Variants in TBCE observed in about 807,000 individuals in gnomAD.
The protein encoded by TBCE is tubulin folding cofactor E.
A neutral mutation model predicts 77.0 loss-of-function variants in TBCE; 53 were observed. The ratio of observed to expected loss-of-function variants is 0.69; its 90% confidence interval spans 0.55 to 0.87. The LOEUF is 0.87. Ranked by LOEUF, TBCE falls within the 40% of genes least tolerant of loss-of-function variation. The pLI is 0.00. For missense variants in TBCE, 624 were observed against 622.4 expected, an observed-to-expected ratio of 1.00 and a Z score of -0.03; for synonymous variants, 235 against 241.3, an observed-to-expected ratio of 0.97 and a Z score of 0.24.
chr1:235,409,891 G>C (rs188572413), intron 3 of TBCE, among the ~76,000 whole-genome samples: 1 of 87,302 alleles, frequency 1.1e-5, no homozygotes, highest in Non-Finnish European at 2.2e-5. Context: ...TTAGCCAGGC[G>C]TGGTGGCGGG....
chr1:235,379,784 A>C (rs746851674), intron 1 of TBCE, among the ~76,000 whole-genome samples: 23 of 151,822 alleles, frequency 1.5e-4, no homozygotes, highest in Non-Finnish European at 3.1e-4. Flanking sequence ...CCCCTTCTCT[A>C]CTGAAAATAC....
Position 235,451,645 on chromosome 1 carries a change from A to G in TBCE, c.*2883A>G, listed in dbSNP as rs1375721731. 1 of 151,372 alleles carries G rather than the reference A, an allele frequency of 6.6e-6. No homozygotes were observed. The highest frequency in any genetic ancestry group is 2.5e-5 in the African/African-American group (1 of 40,602). 9.4% of individuals were successfully genotyped at this position (151,372 alleles called of 1,614,324 possible). On this transcript the variant is annotated 3_prime_UTR_variant, in exon 17 of 17. Transcript: ENST00000642610. Reference sequence around the variant, plus strand: ...CAAAGTACAGCAAAGGAATCAGACTATCAAAGTGGACCATGTAGATGTGGG... The same window carrying G: ...CAAAGTACAGCAAAGGAATCAGACTGTCAAAGTGGACCATGTAGATGTGGG...
intron 3 of TBCE, among the ~76,000 whole-genome samples, chr1:235,406,818 C>T (rs1013720620): frequency 4.9e-5 from 7 of 143,748 alleles, no homozygotes; most frequent in African/African-American, 1.8e-4. Flanking sequence ...GCATAAGCCA[C>T]TGCTCCTGGG....
chr1:235,420,756 C>T (rs943346881), intron 5 of TBCE, among the ~76,000 whole-genome samples: 1 of 152,202 alleles, frequency 6.6e-6, no homozygotes, highest in African/African-American at 2.4e-5. Flanking sequence ...GCTGGAATTA[C>T]AGGCGTGAGC....
chr1:235,448,291 A>T, intron 15 of TBCE, 58 bp from the exon 16 acceptor site: 1 of 1,375,338 alleles, frequency 7.3e-7, no homozygotes, highest in Non-Finnish European at 1.0e-6. Flanking sequence ...CACATGAGCT[A>T]GTTTTACAGG....
chr1:235,406,299 T>G (rs1679424384), intron 3 of TBCE, among the ~76,000 whole-genome samples: 1 of 152,218 alleles, frequency 6.6e-6, no homozygotes, highest in South Asian at 2.1e-4. Context: ...CTCTGATCTC[T>G]TTTGTAACCT....
Position 235,393,380 on chromosome 1 carries a change from TACAA to T in TBCE, c.101-8118_101-8115del, listed in dbSNP as rs539950458. Among the ~76,000 whole-genome samples the T allele has an allele frequency of 4.1e-3, 629 of 152,068 alleles. 5 individuals carry two copies. Among genetic ancestry groups the T allele is most frequent in the African/African-American group, 0.014 (600 of 41,492 alleles). ...GGTGAAACCCTGTCTCTACTAAAAA[TACAA>T]ACAATTAGCCTGGTGTGGTGGCACG... On this transcript the variant is annotated intron_variant, in intron 2 of 16. Transcript: ENST00000642610.
At chr1:235,423,034 A>G (rs568409437) in intron 5 of TBCE, among the ~76,000 whole-genome samples, 3 of 152,222 alleles carry the variant, frequency 2.0e-5, no homozygotes, top group Non-Finnish European at 4.4e-5. Flanking sequence ...ACAGTGATAA[A>G]TGTCTTGCAG....
intron 2 of TBCE, among the ~76,000 whole-genome samples, chr1:235,391,080 A>G (rs1383282492): frequency 6.6e-6 from 1 of 152,194 alleles, no homozygotes; most frequent in African/African-American, 2.4e-5. Context: ...TTTAAAGGAC[A>G]GAGCTGCCTC....
intron 15 of TBCE, among the ~76,000 whole-genome samples, chr1:235,445,450 G>A (rs1364080820): frequency 1.2e-4 from 18 of 152,090 alleles, no homozygotes; most frequent in Admixed American, 1.2e-3. Flanking sequence ...GCAACATGGT[G>A]AAACCCCGTC....
intron 2 of TBCE, among the ~76,000 whole-genome samples, chr1:235,380,452 A>T (rs911632053): frequency 1.6e-4 from 24 of 151,880 alleles, no homozygotes; most frequent in Non-Finnish European, 2.8e-4. Flanking sequence ...AAGTCTTGAA[A>T]CCTCATAAAC....
intron 1 of TBCE, among the ~76,000 whole-genome samples, chr1:235,371,625 C>T (rs1572300696): frequency 6.6e-6 from 1 of 152,118 alleles, no homozygotes; most frequent in East Asian, 1.9e-4. Context: ...ATCCACCCAC[C>T]TCTGCCTCCC....
chr1:235,425,029 C>T (rs1175004502), intron 5 of TBCE, among the ~76,000 whole-genome samples: 1 of 152,090 alleles, frequency 6.6e-6, no homozygotes, highest in Non-Finnish European at 1.5e-5. Flanking sequence ...GGGTGTACCC[C>T]AAGGCTCAGA....
At chr1:235,391,941 T>C in intron 2 of TBCE, among the ~76,000 whole-genome samples, 1 of 152,024 alleles carries the variant, frequency 6.6e-6, no homozygotes, top group East Asian at 1.9e-4. Context: ...TTTTAAATTA[T>C]ATACGGAGTA....
At chr1:235,397,640 T>C (rs1678823823) in intron 2 of TBCE, among the ~76,000 whole-genome samples, 1 of 152,224 alleles carries the variant, frequency 6.6e-6, no homozygotes, top group Admixed American at 6.5e-5. Context: ...CCATGGAGAA[T>C]AGGAAACAAA....
At chr1:235,399,294 G>A (rs1482345875) in intron 2 of TBCE, among the ~76,000 whole-genome samples, 2 of 152,142 alleles carry the variant, frequency 1.3e-5, no homozygotes, top group African/African-American at 2.4e-5. Context: ...CATTAGTTTG[G>A]AGTTGTGGTG....
Position 235,401,513 on chromosome 1 carries a change from A to C in TBCE, c.111A>C (p.Leu37Phe). 6.2e-7 allele frequency: 1 copy of C among 1,613,778 alleles called. No homozygotes were observed. Among genetic ancestry groups the C allele is most frequent in the Non-Finnish European group, 8.5e-7 (1 of 1,179,760 alleles). ...GVVPPVAGPW[L>F]GVEWDNPERG... Reference sequence around the variant, plus strand: ...TTCTTGTTCTGCTAGGACCCTGGTTAGGAGTAGAATGGGACAATCCCGAGA... The same window carrying C: ...TTCTTGTTCTGCTAGGACCCTGGTTCGGAGTAGAATGGGACAATCCCGAGA... Residue 37 changes from leucine (L) to phenylalanine (F), a missense_variant, in exon 3 of 17, where the codon TTA becomes TTC. Physicochemically the swap from Leu to Phe is conservative, Grantham distance 22 (BLOSUM62 0). Coordinates refer to ENST00000642610, the MANE Select transcript of TBCE (RefSeq NM_003193.5).
chr1:235,448,593 T>TG, intron 16 of TBCE, 77 bp from the exon 17 acceptor site: 2 of 1,400,238 alleles, frequency 1.4e-6, no homozygotes, highest in South Asian at 2.3e-5. Context: ...GGGGACGGGG[T>TG]GGGGGAAGAG....
chr1:235,416,941 G>A (rs1680145517), intron 4 of TBCE, among the ~76,000 whole-genome samples: 2 of 152,180 alleles, frequency 1.3e-5, no homozygotes, highest in South Asian at 4.1e-4. Context: ...CTAAGCCTCA[G>A]TTTCCTCAGT....
Sources: gnomAD v4.1 joint callset for allele counts (sites outside exome capture counted in the v4.1 genomes callset) on GRCh38, gnomAD v4.1.1 for gene constraint, MANE v1.5 for transcripts, NCBI Gene and HGNC (gene_info 2026-07-23, HGNC 2026-07-21) for gene names.